CUL5: variants seen among roughly 807,000 people sequenced by gnomAD.
CUL5 encodes the protein cullin 5, also known as cullin-5.
A neutral mutation model predicts 108.8 loss-of-function variants in CUL5; 26 were observed. The ratio of observed to expected loss-of-function variants is 0.24; its 90% CI spans 0.18 to 0.33. CUL5 has a LOEUF of 0.33. CUL5 is among the 10% of genes least tolerant of loss of function. CUL5 has a pLI of 1.00. For synonymous variants in CUL5, 334 were observed against 298.0 expected (o/e 1.12, Z -1.25); for missense variants, 524 against 909.2 (o/e 0.58, Z 5.45).
chr11:108,035,136 C>CTT (rs1862701209), intron 2 of CUL5, among the ~76,000 whole-genome samples: 1 of 152,144 alleles, frequency 6.6e-6, no homozygotes, highest in Non-Finnish European at 1.5e-5. Flanking sequence ...AAGGCAAACA[C>CTT]AAGTCAGTAG....
chr11:108,093,830 G>A (rs1385723992), intron 13 of CUL5, among the ~76,000 whole-genome samples: 1 of 152,172 alleles, frequency 6.6e-6, no homozygotes, highest in African/African-American at 2.4e-5. Flanking sequence ...CCGAGTAGCT[G>A]GGACTATCTC....
Position 108,070,128 on chromosome 11 carries a change from A to G in CUL5, c.813A>G (p.Thr271=), listed in dbSNP as rs200850488. 1.2e-6 allele frequency: 2 copies of G among 1,611,910 alleles called. No individual in the cohort carries two copies. ...AATGCTGTGTAAATGCCCTGGTGAC[A>G]TCATTTAAAGAGACTATCTTAGCTG... is the stretch of plus-strand genomic sequence containing the variant. The part of the protein sequence containing the change: ...LMECCVNALV[T]SFKETILAEC... Residue 271 remains threonine (T), a synonymous_variant, in exon 8 of 19, where the codon ACA becomes ACG. Coordinates refer to ENST00000393094, the MANE Select transcript of CUL5 (RefSeq NM_003478.6).
chr11:108,040,114 C>G (rs972435358), intron 2 of CUL5, among the ~76,000 whole-genome samples: 1 of 152,210 alleles, frequency 6.6e-6, no homozygotes, highest in African/African-American at 2.4e-5. Flanking sequence ...TCCTCCCTCT[C>G]CTATTTCCCA....
intron 10 of CUL5, among the ~76,000 whole-genome samples, chr11:108,076,875 C>A (rs564613950): frequency 6.6e-6 from 1 of 152,098 alleles, no homozygotes; most frequent in Non-Finnish European, 1.5e-5. Flanking sequence ...ATGTTCACTG[C>A]GATAGGGAAG....
At chr11:108,092,213 G>T (rs1283684521) in intron 13 of CUL5, among the ~76,000 whole-genome samples, 1 of 152,188 alleles carries the variant, frequency 6.6e-6, no homozygotes, top group Non-Finnish European at 1.5e-5. Flanking sequence ...GATAACAAAT[G>T]CTAGTAAGGA....
chr11:108,062,036 C>T (rs1327751349), intron 7 of CUL5, among the ~76,000 whole-genome samples: 5 of 152,108 alleles, frequency 3.3e-5, no homozygotes, highest in African/African-American at 4.8e-5. Flanking sequence ...TGTCTCAACA[C>T]GTGGGAATTA....
At chr11:108,061,224 TAAC>T (rs1201254803) in intron 7 of CUL5, among the ~76,000 whole-genome samples, 2 of 152,194 alleles carry the variant, frequency 1.3e-5, no homozygotes, top group East Asian at 1.9e-4. Flanking sequence ...TATTTTCAAA[TAAC>T]AAGTTATATA....
chr11:108,027,071 A>G (rs970519679), intron 1 of CUL5, among the ~76,000 whole-genome samples: 1 of 151,474 alleles, frequency 6.6e-6, no homozygotes, highest in Non-Finnish European at 1.5e-5. Context: ...TCTCTTATAC[A>G]GGAAAAATTG....
At chr11:108,009,530 G>C (rs1351884530) in intron 1 of CUL5, among the ~76,000 whole-genome samples, 158 bp downstream of exon 1, 2 of 152,108 alleles carry the variant, frequency 1.3e-5, no homozygotes, top group African/African-American at 4.8e-5. Flanking sequence ...CCGGAACGCG[G>C]GTCTGTGGCC....
intron 1 of CUL5, among the ~76,000 whole-genome samples, chr11:108,028,940 A>G (rs1032195466): frequency 3.3e-5 from 5 of 152,252 alleles, no homozygotes; most frequent in African/African-American, 1.2e-4. Context: ...GGGTCCTACA[A>G]GATCCAGCTC....
At position 108,096,115 on chromosome 11, in the gene CUL5, G is replaced by GCA. The variant is rs145197270; in HGVS notation, c.1905+440_1905+441dup. 7.6e-3 allele frequency among the ~76,000 whole-genome samples: 1,113 copies of GCA among 145,990 alleles called. 1 individual carries two copies. The highest frequency in any genetic ancestry group is 0.017 in the African/African-American group (685 of 39,716). ...CCGTCTGAAAAAAAAAAAAAATTAT[G>GCA]CACACACACACACACACGAGATATT... On this transcript the variant is annotated intron_variant, in intron 16 of 18. Transcript: ENST00000393094.
At chr11:108,066,238 G>T (rs556128673) in intron 7 of CUL5, among the ~76,000 whole-genome samples, 6 of 152,178 alleles carry the variant, frequency 3.9e-5, no homozygotes, top group African/African-American at 1.2e-4. Flanking sequence ...CAGTACTCAG[G>T]AGGCTGAGGC....
At chr11:108,013,442 C>G (rs937423968) in intron 1 of CUL5, among the ~76,000 whole-genome samples, 2 of 152,190 alleles carry the variant, frequency 1.3e-5, no homozygotes, top group Non-Finnish European at 2.9e-5. Context: ...ATCTTTCCAG[C>G]TGGGTCTTCT....
chr11:108,091,695 T>TCACACACTCACACACACACACACACA (rs1864365128), intron 13 of CUL5, among the ~76,000 whole-genome samples: 1 of 138,098 alleles, frequency 7.2e-6, no homozygotes, highest in Non-Finnish European at 1.5e-5. Context: ...TCTCTCTCAC[T>TCACACACTCACACACACACACACACA]CACACACACA....
At chr11:108,038,127 C>T (rs1862792090) in intron 2 of CUL5, among the ~76,000 whole-genome samples, 1 of 152,086 alleles carries the variant, frequency 6.6e-6, no homozygotes, top group Admixed American at 6.6e-5. Context: ...CCTTTTAAAG[C>T]TTTATTACAT....
intron 4 of CUL5, among the ~76,000 whole-genome samples, chr11:108,051,302 A>G (rs1863214329): frequency 6.6e-6 from 1 of 152,174 alleles, no homozygotes; most frequent in African/African-American, 2.4e-5. Context: ...GGTTGTGGGA[A>G]GCAGCATCCA....
intron 13 of CUL5, among the ~76,000 whole-genome samples, chr11:108,090,171 C>G (rs1044382186): frequency 1.3e-5 from 2 of 152,012 alleles, no homozygotes; most frequent in Non-Finnish European, 2.9e-5. Flanking sequence ...CCTCAACTCT[C>G]ATTTAAACTG....
At chr11:108,063,277 C>T (rs1228980798) in intron 7 of CUL5, among the ~76,000 whole-genome samples, 2 of 152,118 alleles carry the variant, frequency 1.3e-5, no homozygotes, top group Non-Finnish European at 1.5e-5. Context: ...TTTTAGCTTC[C>T]ACAAATGAGT....
intron 13 of CUL5, among the ~76,000 whole-genome samples, chr11:108,093,492 T>C (rs549113798): frequency 3.9e-5 from 6 of 152,350 alleles, no homozygotes; most frequent in African/African-American, 9.6e-5. Flanking sequence ...ACTCCATTTA[T>C]GTTCTATTTT....
Sources: allele counts gnomAD v4.1 joint callset (sites outside exome capture counted in the v4.1 genomes callset), GRCh38; gene constraint gnomAD v4.1.1; transcripts MANE v1.5; gene names NCBI Gene and HGNC (gene_info 2026-07-23, HGNC 2026-07-21).